Variants in LHFPL3 observed in about 807,000 individuals in gnomAD.
LHFPL3 encodes the protein LHFPL tetraspan subfamily member 3.
Under a neutral mutation model 19.3 loss-of-function variants are expected in LHFPL3, and 5 were observed. The observed-to-expected ratio is 0.26, with a 90% CI of 0.14 to 0.54. LHFPL3 has a LOEUF of 0.54. Among genes scored for constraint, LHFPL3 ranks in the 20% least tolerant of loss-of-function variants. The pLI is 0.94. For synonymous variants in LHFPL3, 133 were observed against 126.2 expected (o/e 1.05, Z -0.36); for missense variants, 249 against 307.4 (o/e 0.81, Z 1.42).
intron 1 of LHFPL3, among the ~76,000 whole-genome samples, chr7:104,712,334 G>A (rs1793312905): frequency 6.6e-6 from 1 of 152,154 alleles, no homozygotes; most frequent in Non-Finnish European, 1.5e-5. Flanking sequence ...TCTGGCATCT[G>A]GTGAGGGTCC....
intron 2 of LHFPL3, among the ~76,000 whole-genome samples, chr7:104,838,080 G>GACTT (rs994929426): frequency 2.0e-5 from 3 of 152,020 alleles, no homozygotes; most frequent in Non-Finnish European, 4.4e-5. Context: ...CCTACATAAG[G>GACTT]ACTTACGGGT....
chr7:104,740,264 C>T (rs1016404571), intron 2 of LHFPL3, among the ~76,000 whole-genome samples: 3 of 152,150 alleles, frequency 2.0e-5, no homozygotes, highest in Admixed American at 6.5e-5. Flanking sequence ...TTCATAGCAG[C>T]ATGAAAATGA....
intron 1 of LHFPL3, among the ~76,000 whole-genome samples, chr7:104,692,555 AGAGGGCGGT>A (rs1792923564): frequency 6.6e-6 from 1 of 152,244 alleles, no homozygotes; most frequent in Non-Finnish European, 1.5e-5. Flanking sequence ...CCATTGCTTC[AGAGGGCGGT>A]GCCCTTTGTC....
chr7:104,851,013 G>A (rs1221780429), intron 2 of LHFPL3, among the ~76,000 whole-genome samples: 1 of 152,196 alleles, frequency 6.6e-6, no homozygotes, highest in Non-Finnish European at 1.5e-5. Context: ...TTCTGCTCTA[G>A]AAGGAATAGC....
chr7:104,722,965 C>A (rs967149471), intron 1 of LHFPL3, among the ~76,000 whole-genome samples: 20 of 152,234 alleles, frequency 1.3e-4, no homozygotes, highest in African/African-American at 4.3e-4. Flanking sequence ...CGTTAAAAGC[C>A]CCAAATGGGA....
At chr7:104,440,314 A>G (rs1035994678) in intron 1 of LHFPL3, among the ~76,000 whole-genome samples, 3 of 152,092 alleles carry the variant, frequency 2.0e-5, no homozygotes, top group Non-Finnish European at 4.4e-5. Flanking sequence ...ATCGCCAAGA[A>G]CAAAAAACCA....
intron 1 of LHFPL3, among the ~76,000 whole-genome samples, chr7:104,648,711 G>A (rs1791974517): frequency 1.3e-5 from 2 of 152,092 alleles, no homozygotes; most frequent in African/African-American, 2.4e-5. Flanking sequence ...GCTGGTCCTG[G>A]TTAAGCCCAT....
intron 2 of LHFPL3, among the ~76,000 whole-genome samples, chr7:104,763,644 C>A (rs6974268): frequency 0.29 from 44,840 of 152,072 alleles, 7,385 homozygotes; most frequent in East Asian, 0.67. Flanking sequence ...TACTTCTCAG[C>A]TTCACAGGTA....
At chr7:104,332,608 T>G (rs957033277) in intron 1 of LHFPL3, among the ~76,000 whole-genome samples, 1 of 152,196 alleles carries the variant, frequency 6.6e-6, no homozygotes, top group Non-Finnish European at 1.5e-5. Context: ...ATTATTATTT[T>G]TATGATTCTG....
At chr7:104,426,078 C>T (rs990358391) in intron 1 of LHFPL3, among the ~76,000 whole-genome samples, 2 of 152,160 alleles carry the variant, frequency 1.3e-5, no homozygotes, top group African/African-American at 4.8e-5. Flanking sequence ...TTCCCGTTCC[C>T]CCACAGATGC....
chr7:104,614,464 G>A (rs1280757397), intron 1 of LHFPL3, among the ~76,000 whole-genome samples: 10 of 152,052 alleles, frequency 6.6e-5, no homozygotes, highest in Admixed American at 6.6e-4. Flanking sequence ...ACAGAGAACT[G>A]GCACCTGGTA....
rs199946929 is a variant in LHFPL3 at position 104,370,065 on chromosome 7, G to GA, written c.445+40843dup. Among the ~76,000 whole-genome samples the GA allele has an allele frequency of 1.8e-3, 278 of 152,256 alleles. 1 individual carries two copies. Among genetic ancestry groups the GA allele is most frequent in the South Asian group, 8.7e-3 (42 of 4,824 alleles). On this transcript the variant is annotated intron_variant, in intron 1 of 2. Coordinates refer to ENST00000424859, the MANE Select transcript of LHFPL3 (RefSeq NM_199000.3). Reference sequence around the variant, plus strand: ...TTGAATAACTGAAAAGGCCAGAAAAGAACACAAATGTTTCACAGAGGTAGC... The same window carrying GA: ...TTGAATAACTGAAAAGGCCAGAAAAGAAACACAAATGTTTCACAGAGGTAGC...
chr7:104,730,265 T>C (rs1413752003), intron 1 of LHFPL3, among the ~76,000 whole-genome samples: 1 of 152,204 alleles, frequency 6.6e-6, no homozygotes, highest in Non-Finnish European at 1.5e-5. Context: ...TACCCAGTAA[T>C]GGGATGGCTG....
chr7:104,603,137 CCCTT>C (rs1218436461), intron 1 of LHFPL3, among the ~76,000 whole-genome samples: 18 of 30,660 alleles, frequency 5.9e-4, no homozygotes, highest in African/African-American at 1.6e-3. Context: ...TTTCTTTTTT[CCCTT>C]CCTTCCTTCC....
intron 1 of LHFPL3, among the ~76,000 whole-genome samples, chr7:104,344,362 C>T (rs1051338023): frequency 1.3e-5 from 2 of 151,910 alleles, no homozygotes; most frequent in African/African-American, 2.4e-5. Context: ...ACCTATAGCC[C>T]GAGTTGTATA....
chr7:104,725,985 G>C (rs1033045373), intron 1 of LHFPL3, among the ~76,000 whole-genome samples: 6 of 145,568 alleles, frequency 4.1e-5, no homozygotes, highest in African/African-American at 1.5e-4. Context: ...CCGGGAGGTA[G>C]AGGTTGCAGT....
At chr7:104,852,749 T>G (rs78975547) in intron 2 of LHFPL3, among the ~76,000 whole-genome samples, 1,799 of 152,340 alleles carry the variant, frequency 0.012, 38 homozygotes, top group African/African-American at 0.041. Flanking sequence ...TGAATGTGTG[T>G]TTTGTAAGTG....
chr7:104,459,769 CT>C (rs1792621871), intron 1 of LHFPL3, among the ~76,000 whole-genome samples: 1 of 152,110 alleles, frequency 6.6e-6, no homozygotes, highest in Non-Finnish European at 1.5e-5. Context: ...AGGTATACTC[CT>C]TTTTTATGCA....
chr7:104,373,847 A>G (rs1273584226), intron 1 of LHFPL3, among the ~76,000 whole-genome samples: 2 of 152,218 alleles, frequency 1.3e-5, no homozygotes, highest in East Asian at 3.8e-4. Flanking sequence ...ATGTTAATAG[A>G]GATTCTTTAC....
Sources: allele counts gnomAD v4.1 joint callset (sites outside exome capture counted in the v4.1 genomes callset), GRCh38; gene constraint gnomAD v4.1.1; transcripts MANE v1.5; gene names NCBI Gene and HGNC (gene_info 2026-07-23, HGNC 2026-07-21).